The following CTNNBL1 variants were observed in gnomAD, a reference collection of about 807,000 sequenced individuals.
The protein encoded by CTNNBL1 is catenin beta like 1.
Under a neutral mutation model 72.7 loss-of-function variants are expected in CTNNBL1, and 31 were observed. The ratio of observed to expected loss-of-function variants is 0.43; its 90% CI spans 0.32 to 0.58. CTNNBL1 has a LOEUF of 0.58. CTNNBL1 is among the 20% of genes least tolerant of loss of function. CTNNBL1 has a pLI of 0.08. For synonymous variants in CTNNBL1, 240 were observed against 267.3 expected, an observed-to-expected ratio of 0.90 and a Z score of 1.00; for missense variants, 534 against 725.1, an observed-to-expected ratio of 0.74 and a Z score of 3.03.
intron 1 of CTNNBL1, among the ~76,000 whole-genome samples, chr20:37,707,121 G>A (rs1353537623): frequency 6.6e-6 from 1 of 152,132 alleles, no homozygotes; most frequent in Non-Finnish European, 1.5e-5. Flanking sequence ...TAGAACACAG[G>A]CAGGGTAGAT....
chr20:37,804,117 T>C (rs548351481), intron 11 of CTNNBL1, among the ~76,000 whole-genome samples: 15 of 152,308 alleles, frequency 9.8e-5, no homozygotes, highest in Admixed American at 7.8e-4. Flanking sequence ...AAAGAGGAAC[T>C]GGCCTTGCAA....
chr20:37,794,285 T>C (rs906043565), intron 10 of CTNNBL1, among the ~76,000 whole-genome samples: 9 of 152,122 alleles, frequency 5.9e-5, no homozygotes, highest in African/African-American at 1.4e-4. Context: ...CTGTGAGCTG[T>C]ATATGACTAA....
intron 11 of CTNNBL1, among the ~76,000 whole-genome samples, chr20:37,817,841 G>A (rs1454521832): frequency 6.6e-6 from 1 of 152,186 alleles, no homozygotes; most frequent in Non-Finnish European, 1.5e-5. Flanking sequence ...TGTAGTAGAT[G>A]CTTAACAAAT....
chr20:37,784,254 G>A (rs2073652426), intron 10 of CTNNBL1, among the ~76,000 whole-genome samples: 2 of 152,124 alleles, frequency 1.3e-5, no homozygotes, highest in Admixed American at 1.3e-4. Context: ...TAGGTGAAGT[G>A]TGTTTCTTGT....
intron 13 of CTNNBL1, among the ~76,000 whole-genome samples, chr20:37,847,121 T>C (rs1396198944): frequency 2.0e-5 from 3 of 152,196 alleles, no homozygotes; most frequent in African/African-American, 7.2e-5. Flanking sequence ...ATTTTTGTTT[T>C]CTCTGTGATT....
chr20:37,827,886 T>G (rs1218730397), intron 11 of CTNNBL1, among the ~76,000 whole-genome samples: 1 of 152,130 alleles, frequency 6.6e-6, no homozygotes, highest in Non-Finnish European at 1.5e-5. Flanking sequence ...TTCTCTTGCC[T>G]CACCTTCCAC....
intron 11 of CTNNBL1, among the ~76,000 whole-genome samples, chr20:37,837,937 G>A (rs2072269435): frequency 6.6e-6 from 1 of 150,632 alleles, no homozygotes; most frequent in Admixed American, 6.6e-5. Context: ...ACAAAATACA[G>A]TATTTTGGAA....
chr20:37,774,108 C>G (rs1360139119), intron 7 of CTNNBL1, among the ~76,000 whole-genome samples: 1 of 151,794 alleles, frequency 6.6e-6, no homozygotes, highest in Non-Finnish European at 1.5e-5. Flanking sequence ...GAGATGAGGT[C>G]TCACTATGTT....
At chr20:37,821,119 T>C (rs1371820382) in intron 11 of CTNNBL1, among the ~76,000 whole-genome samples, 2 of 152,214 alleles carry the variant, frequency 1.3e-5, no homozygotes, top group African/African-American at 4.8e-5. Flanking sequence ...CTGACTGAGA[T>C]GCTCTTTTAC....
rs1003591416 is a variant in CTNNBL1, at chr20:37,863,713, G to A, written c.1603+3369G>A. Among the ~76,000 whole-genome samples the A allele has an allele frequency of 4.5e-4, 69 of 152,142 alleles. 1 individual carries two copies. Among genetic ancestry groups the A allele is most frequent in the Non-Finnish European group, 1.5e-4 (10 of 68,020 alleles). On this transcript the variant is annotated intron_variant, in intron 15 of 15. Transcript: ENST00000361383. ...GCACAGTGAGTTTGGGGTACAAGGG[G>A]TGACTGCATCCCTTGATTGGCCAGC...
At chr20:37,809,141 C>T (rs1290038310) in intron 11 of CTNNBL1, among the ~76,000 whole-genome samples, 1 of 151,996 alleles carries the variant, frequency 6.6e-6, no homozygotes, top group Non-Finnish European at 1.5e-5. Flanking sequence ...CAGCCCTCAG[C>T]AAATTTACAG....
At chr20:37,856,200 CA>C (rs72145244) in intron 13 of CTNNBL1, among the ~76,000 whole-genome samples, 43 of 138,962 alleles carry the variant, frequency 3.1e-4, no homozygotes, top group Middle Eastern at 3.7e-3. Flanking sequence ...AACTCCTTCT[CA>C]AAAAAAAAAA....
intron 6 of CTNNBL1, among the ~76,000 whole-genome samples, chr20:37,766,491 A>G (rs1211107929): frequency 1.3e-5 from 2 of 152,192 alleles, no homozygotes; most frequent in African/African-American, 4.8e-5. Flanking sequence ...TCTTGAAAAG[A>G]AAGGAAAGAC....
chr20:37,757,485 C>T (rs1032159107), intron 4 of CTNNBL1, 74 bp from the exon 5 acceptor site: 9 of 1,000,526 alleles, frequency 9.0e-6, no homozygotes, highest in East Asian at 2.5e-5. Flanking sequence ...GATGAGGAAA[C>T]GGAAGGGAAT....
chr20:37,758,999 T>C (rs2073391054), intron 5 of CTNNBL1, among the ~76,000 whole-genome samples: 1 of 151,798 alleles, frequency 6.6e-6, no homozygotes, highest in Non-Finnish European at 1.5e-5. Flanking sequence ...TGGCATTTGG[T>C]GTGAATGAAG....
chr20:37,754,255 CATCTT>C (rs1227758618), intron 4 of CTNNBL1, among the ~76,000 whole-genome samples: 1 of 148,880 alleles, frequency 6.7e-6, no homozygotes, highest in Non-Finnish European at 1.5e-5. Flanking sequence ...GTTCTATAGA[CATCTT>C]ATTTATGTAT....
chr20:37,780,668 G>A (rs1445615562), intron 10 of CTNNBL1, among the ~76,000 whole-genome samples: 10 of 152,172 alleles, frequency 6.6e-5, no homozygotes, highest in South Asian at 6.2e-4. Context: ...ATGTTTTGCC[G>A]TTATAACAAA....
chr20:37,866,989 A>G (rs2038844231), intron 15 of CTNNBL1, among the ~76,000 whole-genome samples: 4 of 152,174 alleles, frequency 2.6e-5, no homozygotes, highest in Admixed American at 1.3e-4. Context: ...TAAAACATCC[A>G]TGGGACTCTG....
At chr20:37,736,626 T>G (rs563381770) in intron 2 of CTNNBL1, among the ~76,000 whole-genome samples, 1 of 152,156 alleles carries the variant, frequency 6.6e-6, no homozygotes, top group East Asian at 1.9e-4. Flanking sequence ...CTGCAACCTC[T>G]GCTTCCCAGG....
Sources: gnomAD v4.1 joint callset for allele counts (sites outside exome capture counted in the v4.1 genomes callset) on GRCh38, gnomAD v4.1.1 for gene constraint, MANE v1.5 for transcripts, NCBI Gene and HGNC (gene_info 2026-07-23, HGNC 2026-07-21) for gene names.